TOX3: variants seen among roughly 807,000 people sequenced by gnomAD.
TOX3 encodes the protein CAG trinucleotide repeat-containing gene F9 protein.
A neutral mutation model predicts 64.3 loss-of-function variants in TOX3; 22 were observed. The ratio of observed to expected loss-of-function variants is 0.34; its 90% CI spans 0.24 to 0.49. TOX3 has a LOEUF of 0.49. TOX3 is among the 20% of genes least tolerant of loss of function. TOX3 has a pLI of 0.99. For synonymous variants in TOX3, 291 were observed against 273.6 expected (o/e 1.06, Z -0.63); for missense variants, 661 against 714.4 (o/e 0.93, Z 0.85).
intron 1 of TOX3, among the ~76,000 whole-genome samples, chr16:52,486,769 C>G (rs1567330450): frequency 6.6e-6 from 1 of 151,922 alleles, no homozygotes; most frequent in Admixed American, 6.6e-5. Flanking sequence ...CCTGTCTTTA[C>G]AAAAAATGTA....
At chr16:52,489,052 C>T (rs1025306215) in intron 1 of TOX3, among the ~76,000 whole-genome samples, 1 of 152,168 alleles carries the variant, frequency 6.6e-6, no homozygotes, top group African/African-American at 2.4e-5. Context: ...AACTATCACC[C>T]CAAACCAGAA....
chr16:52,487,502 G>T (rs1049869655), intron 1 of TOX3, among the ~76,000 whole-genome samples: 3 of 152,098 alleles, frequency 2.0e-5, no homozygotes, highest in African/African-American at 7.2e-5. Flanking sequence ...CACATGTATT[G>T]CTCGAGAAAC....
At chr16:52,533,133 T>C (rs1404454867) in intron 1 of TOX3, among the ~76,000 whole-genome samples, 1 of 152,198 alleles carries the variant, frequency 6.6e-6, no homozygotes, top group Non-Finnish European at 1.5e-5. Context: ...TTCAGAGAGA[T>C]GTTGAAGACG....
At chr16:52,509,851 T>C (rs996270000) in intron 1 of TOX3, among the ~76,000 whole-genome samples, 1 of 152,226 alleles carries the variant, frequency 6.6e-6, no homozygotes, top group African/African-American at 2.4e-5. Flanking sequence ...ATTAATGTAA[T>C]TAACCTTTAG....
At chr16:52,505,967 C>A (rs372724006) in intron 1 of TOX3, among the ~76,000 whole-genome samples, 2 of 151,982 alleles carry the variant, frequency 1.3e-5, no homozygotes, top group African/African-American at 4.8e-5. Context: ...CAGAGCAAGA[C>A]CCTGTCTCAA....
chr16:52,528,759 T>C (rs1345745579), intron 1 of TOX3, among the ~76,000 whole-genome samples: 1 of 152,124 alleles, frequency 6.6e-6, no homozygotes, highest in African/African-American at 2.4e-5. Context: ...CCCAAGACAA[T>C]GGTGAAGTAC....
intron 1 of TOX3, among the ~76,000 whole-genome samples, chr16:52,482,629 A>G (rs1020276509): frequency 6.6e-6 from 1 of 152,166 alleles, no homozygotes; most frequent in Non-Finnish European, 1.5e-5. Context: ...AACATGCAGC[A>G]TATTTGGAGA....
chr16:52,518,555 C>T (rs1048196186), intron 1 of TOX3, among the ~76,000 whole-genome samples: 1 of 152,160 alleles, frequency 6.6e-6, no homozygotes, highest in African/African-American at 2.4e-5. Flanking sequence ...AAAACGTCTT[C>T]TCTATATTGT....
intron 1 of TOX3, among the ~76,000 whole-genome samples, chr16:52,545,802 A>G (rs1457494636): frequency 6.6e-6 from 1 of 152,030 alleles, no homozygotes; most frequent in East Asian, 1.9e-4. Flanking sequence ...CGGCCCGGGT[A>G]CCAGGGCTGC....
At chr16:52,528,326 T>C (rs190742947) in intron 1 of TOX3, among the ~76,000 whole-genome samples, 5 of 152,266 alleles carry the variant, frequency 3.3e-5, no homozygotes, top group Admixed American at 3.3e-4. Flanking sequence ...AAGGTAACTG[T>C]ATTAATCACA....
intron 1 of TOX3, among the ~76,000 whole-genome samples, chr16:52,470,356 C>A (rs1280029407): frequency 1.3e-5 from 2 of 152,148 alleles, no homozygotes; most frequent in African/African-American, 4.8e-5. Flanking sequence ...CAACATATAT[C>A]ACAACCTCAA....
chr16:52,467,457 A>G (rs187546638), intron 2 of TOX3, among the ~76,000 whole-genome samples: 14 of 152,316 alleles, frequency 9.2e-5, no homozygotes, highest in African/African-American at 3.4e-4. Context: ...TTATTCTAAT[A>G]ATTTCTCAAA....
chr16:52,476,542 G>A (rs1231476199), intron 1 of TOX3, among the ~76,000 whole-genome samples: 2 of 151,396 alleles, frequency 1.3e-5, no homozygotes, highest in African/African-American at 4.9e-5. Context: ...CTTTGAGATT[G>A]GCCAAGCAAC....
intron 1 of TOX3, among the ~76,000 whole-genome samples, chr16:52,504,382 G>A (rs1962097411): frequency 6.6e-6 from 1 of 151,468 alleles, no homozygotes; most frequent in Non-Finnish European, 1.5e-5. Flanking sequence ...CAGGAGAATG[G>A]CGTGAACCCA....
chr16:52,544,114 T>C (rs920566090), intron 1 of TOX3, among the ~76,000 whole-genome samples: 3 of 152,218 alleles, frequency 2.0e-5, no homozygotes, highest in Non-Finnish European at 2.9e-5. Context: ...ATAATACATG[T>C]CATCAAAAGT....
At chr16:52,470,663 T>C (rs1404044757) in intron 1 of TOX3, among the ~76,000 whole-genome samples, 1 of 152,224 alleles carries the variant, frequency 6.6e-6, no homozygotes, top group Non-Finnish European at 1.5e-5. Flanking sequence ...AATTAGTATT[T>C]GCCCTGGAGA....
Position 52,450,463 on chromosome 16 carries a change from C to T in TOX3, c.492G>A (p.Ala164=), listed in dbSNP as rs557072773. ...MRSIVHMTDA[A]RSGVMPPAQL... Reference sequence around the variant, plus strand: ...GGGCAGGAGGCATGACCCCAGAACGCGCAGCATCGGTCATGTGGACGATGG... The same window carrying T: ...GGGCAGGAGGCATGACCCCAGAACGTGCAGCATCGGTCATGTGGACGATGG... Residue 164 remains alanine (A), a synonymous_variant, in exon 4 of 7, where the codon GCG becomes GCA. Transcript: ENST00000219746. The T allele has an allele frequency of 6.0e-5, 97 of 1,613,992 alleles. No individual in the cohort carries two copies. In the Middle Eastern group the frequency reaches 6.6e-4, roughly 11 times the overall value.
At chr16:52,527,172 TA>T (rs1255566504) in intron 1 of TOX3, among the ~76,000 whole-genome samples, 23 of 151,500 alleles carry the variant, frequency 1.5e-4, no homozygotes, top group Admixed American at 5.9e-4. Context: ...GATTTAAAAA[TA>T]AAAAAATAAA....
chr16:52,453,825 AT>A (rs1433842784), intron 3 of TOX3, among the ~76,000 whole-genome samples: 2 of 152,144 alleles, frequency 1.3e-5, no homozygotes, highest in East Asian at 3.9e-4. Context: ...TCCATCTGCA[AT>A]TTATGCCTTT....
Sources: gnomAD v4.1 joint callset for allele counts (sites outside exome capture counted in the v4.1 genomes callset) on GRCh38, gnomAD v4.1.1 for gene constraint, MANE v1.5 for transcripts, NCBI Gene and HGNC (gene_info 2026-07-23, HGNC 2026-07-21) for gene names.